Variants in NKAIN3 observed in about 807,000 individuals in gnomAD.
NKAIN3 encodes sodium/potassium-transporting ATPase subunit beta-1-interacting protein 3.
In NKAIN3, 25 loss-of-function variants were observed where a neutral mutation model predicts 30.2. The ratio of observed to expected loss-of-function variants is 0.83; its 90% CI spans 0.60 to 1.16. NKAIN3 has a LOEUF of 1.16. Among genes scored for constraint, NKAIN3 ranks in the 50% most tolerant of loss-of-function variants. The pLI, the probability that NKAIN3 is intolerant of heterozygous loss-of-function variation, is 0.00. For synonymous variants in NKAIN3, 91 were observed against 89.6 expected, an observed-to-expected ratio of 1.02 and a Z score of -0.09; for missense variants, 225 against 254.1, an observed-to-expected ratio of 0.89 and a Z score of 0.78.
intron 4 of NKAIN3, among the ~76,000 whole-genome samples, chr8:62,870,257 T>TATATAG (rs1563603976): frequency 3.5e-5 from 3 of 85,000 alleles, no homozygotes; most frequent in African/African-American, 1.7e-4. Context: ...TATCTATATA[T>TATATAG]ATATCTATAT....
intron 3 of NKAIN3, among the ~76,000 whole-genome samples, chr8:62,643,986 C>A (rs923954717): frequency 6.6e-6 from 1 of 152,078 alleles, no homozygotes; most frequent in African/African-American, 2.4e-5. Context: ...AAAGGACACC[C>A]ATGCTCTCTG....
chr8:62,416,560 G>T (rs1372646686), intron 1 of NKAIN3, among the ~76,000 whole-genome samples: 1 of 152,054 alleles, frequency 6.6e-6, no homozygotes, highest in Admixed American at 6.6e-5. Flanking sequence ...CATATTTATG[G>T]GGTACATGAG....
At chr8:62,363,601 A>G (rs1051750369) in intron 1 of NKAIN3, among the ~76,000 whole-genome samples, 2 of 152,192 alleles carry the variant, frequency 1.3e-5, no homozygotes, top group Admixed American at 1.3e-4. Context: ...AATGATCATT[A>G]TTGGGGTCGA....
In NKAIN3 at chr8:62,260,181, A is replaced by G. The variant is rs1812392172; in HGVS notation, c.54+11054A>G. Among the ~76,000 whole-genome samples, 3 of 152,110 alleles carry G rather than the reference A, an allele frequency of 2.0e-5. No homozygotes were observed. The South Asian group carries it at 6.2e-4, about 32-fold the overall frequency. On this transcript the variant is annotated intron_variant, in intron 1 of 6. Transcript: ENST00000623646. ...AGTTTCTATTCCAGTAATGAGAGACACAGTAATAATTTGGTATTGATTAAT... is the reference window on the plus strand; with the variant it reads ...AGTTTCTATTCCAGTAATGAGAGACGCAGTAATAATTTGGTATTGATTAAT...
intron 4 of NKAIN3, among the ~76,000 whole-genome samples, chr8:62,839,207 A>T (rs187313089): frequency 3.5e-4 from 48 of 137,482 alleles, no homozygotes; most frequent in African/African-American, 1.2e-3. Flanking sequence ...TTTCTTCTTT[A>T]TTTACGCACG....
intron 1 of NKAIN3, among the ~76,000 whole-genome samples, chr8:62,353,737 A>AT (rs144574653): frequency 9.8e-5 from 15 of 152,308 alleles, no homozygotes; most frequent in Non-Finnish European, 1.3e-4. Context: ...CTTATAGAGA[A>AT]TTTTTTGTCA....
At chr8:62,386,798 T>G (rs1415201993) in intron 1 of NKAIN3, among the ~76,000 whole-genome samples, 2 of 152,106 alleles carry the variant, frequency 1.3e-5, no homozygotes, top group Non-Finnish European at 2.9e-5. Flanking sequence ...ATCTTACCTT[T>G]CTAAGTCTCA....
At chr8:62,859,553 A>C (rs539355000) in intron 4 of NKAIN3, among the ~76,000 whole-genome samples, 13 of 147,866 alleles carry the variant, frequency 8.8e-5, no homozygotes, top group Non-Finnish European at 1.6e-4. Context: ...ACATTTAACC[A>C]AATTAAATAA....
chr8:62,415,083 A>G (rs933653382), intron 1 of NKAIN3, among the ~76,000 whole-genome samples: 2 of 144,426 alleles, frequency 1.4e-5, no homozygotes, highest in Non-Finnish European at 3.0e-5. Flanking sequence ...TTTATACTAT[A>G]TATACTATAT....
At chr8:62,370,543 C>T (rs542282992) in intron 1 of NKAIN3, among the ~76,000 whole-genome samples, 4 of 151,898 alleles carry the variant, frequency 2.6e-5, no homozygotes, top group African/African-American at 9.6e-5. Context: ...ATGTATTCCT[C>T]TAGTAATTTG....
intron 1 of NKAIN3, among the ~76,000 whole-genome samples, chr8:62,549,845 G>A (rs1809138257): frequency 6.6e-6 from 1 of 150,544 alleles, no homozygotes; most frequent in African/African-American, 2.5e-5. Context: ...ACCTGAACGT[G>A]TATACTGTGC....
intron 5 of NKAIN3, among the ~76,000 whole-genome samples, chr8:62,941,213 C>T (rs1302053971): frequency 6.6e-6 from 1 of 151,840 alleles, no homozygotes; most frequent in Non-Finnish European, 1.5e-5. Context: ...GAAATAGAAA[C>T]CCTGAGCAGA....
At chr8:62,891,792 T>C (rs1821304531) in intron 4 of NKAIN3, among the ~76,000 whole-genome samples, 2 of 152,172 alleles carry the variant, frequency 1.3e-5, no homozygotes, top group Non-Finnish European at 2.9e-5. Context: ...TGTGGCTTCT[T>C]CCCTCTTTCT....
intron 1 of NKAIN3, among the ~76,000 whole-genome samples, chr8:62,336,738 A>C (rs190340950): frequency 6.6e-6 from 1 of 152,144 alleles, no homozygotes; most frequent in African/African-American, 2.4e-5. Context: ...TTGTAGACTA[A>C]AAAACAGCCT....
At chr8:62,294,138 G>A (rs2351651) in intron 1 of NKAIN3, among the ~76,000 whole-genome samples, 9,493 of 152,186 alleles carry the variant, frequency 0.062, 985 homozygotes, top group African/African-American at 0.21. Flanking sequence ...CGTCTGTCAC[G>A]GCTTCTCTTT....
chr8:62,858,536 C>T (rs1440800868), intron 4 of NKAIN3, among the ~76,000 whole-genome samples: 4 of 152,102 alleles, frequency 2.6e-5, no homozygotes, highest in Non-Finnish European at 4.4e-5. Context: ...CTGTTCATAC[C>T]GTATGTGCAG....
At chr8:62,773,771 TC>T (rs1366807584) in intron 4 of NKAIN3, among the ~76,000 whole-genome samples, 6 of 152,262 alleles carry the variant, frequency 3.9e-5, no homozygotes, top group Admixed American at 2.6e-4. Flanking sequence ...TTGTGAGGCC[TC>T]CCCAGCTATG....
intron 3 of NKAIN3, among the ~76,000 whole-genome samples, chr8:62,671,565 A>G (rs1202866994): frequency 1.3e-5 from 2 of 152,160 alleles, no homozygotes; most frequent in Non-Finnish European, 2.9e-5. Context: ...TAAAATGAGG[A>G]AATAAAAATT....
At chr8:62,558,341 T>A (rs1017742676) in intron 1 of NKAIN3, among the ~76,000 whole-genome samples, 1 of 152,188 alleles carries the variant, frequency 6.6e-6, no homozygotes, top group African/African-American at 2.4e-5. Context: ...TCAGGTAATG[T>A]GATGCCTCCA....
Sources: gnomAD v4.1 joint callset for allele counts (sites outside exome capture counted in the v4.1 genomes callset) on GRCh38, gnomAD v4.1.1 for gene constraint, MANE v1.5 for transcripts, NCBI Gene and HGNC (gene_info 2026-07-23, HGNC 2026-07-21) for gene names.